MAST2: variants seen among roughly 807,000 people sequenced by gnomAD.
MAST2 encodes the protein microtubule-associated serine/threonine-protein kinase 2.
A neutral mutation model predicts 147.4 loss-of-function variants in MAST2; 70 were observed. The ratio of observed to expected loss-of-function variants is 0.47; its 90% CI spans 0.39 to 0.58. The LOEUF is 0.58. Among genes scored for constraint, MAST2 ranks in the 20% least tolerant of loss-of-function variants. The pLI, the probability that MAST2 is intolerant of heterozygous loss-of-function variation, is 0.00. For missense variants in MAST2, 2,080 were observed against 2,302.3 expected (o/e 0.90, Z 1.98); for synonymous variants, 869 against 896.8 (o/e 0.97, Z 0.55).
intron 4 of MAST2, among the ~76,000 whole-genome samples, chr1:45,918,690 G>A (rs928226942): frequency 2.0e-5 from 3 of 151,822 alleles, no homozygotes; most frequent in African/African-American, 4.8e-5. Flanking sequence ...CACCCGCCTC[G>A]GCCTCCCAAA....
Position 45,939,980 on chromosome 1 carries a change from G to GTTTTTTTTTTTTTTTT in MAST2, c.501-19400_501-19385dup, listed in dbSNP as rs1174123217. 1.0e-4 allele frequency among the ~76,000 whole-genome samples: 10 copies of GTTTTTTTTTTTTTTTT among 97,330 alleles called. 1 individual carries two copies. Among genetic ancestry groups the GTTTTTTTTTTTTTTTT allele is most frequent in the South Asian group, 3.6e-4 (1 of 2,774 alleles). 63.9% of individuals were successfully genotyped at this position (97,330 alleles called of 152,430 possible). On this transcript the variant is annotated intron_variant, in intron 4 of 28. Coordinates refer to ENST00000361297, the MANE Select transcript of MAST2 (RefSeq NM_015112.3). The stretch of plus-strand genomic sequence containing the variant: ...AACGGAAGTTCTCTATTTATTTAGG[G>GTTTTTTTTTTTTTTTT]TTTTTTTTTTTTTTTTTTTTTGAGA...
chr1:46,030,355 A>G (rs1266033806), intron 21 of MAST2, 117 bp downstream of exon 21: 2 of 1,036,644 alleles, frequency 1.9e-6, no homozygotes, highest in Non-Finnish European at 2.9e-6. Flanking sequence ...CACCTCTAGA[A>G]AAAGAGGAGC....
chr1:45,882,365 A>G lies in MAST2; in HGVS notation c.470A>G (p.Lys157Arg). 1 of 1,612,374 alleles carries G rather than the reference A, an allele frequency of 6.2e-7. No homozygotes were observed. The highest frequency in any genetic ancestry group is 8.5e-7 in the Non-Finnish European group (1 of 1,178,562). The change falls in exon 4 of 29, where the codon AAG (lysine) becomes AGG (arginine). Residue 157 changes from lysine to arginine, a missense_variant and splice_region_variant. Physicochemically the swap from Lys to Arg is conservative, Grantham distance 26. Around this residue, in one of 4 missense-constraint regions of MAST2, gnomAD observed 569 missense variants for 642.5 expected, o/e 0.89. Transcript: ENST00000361297. ...ACTTGCATATGTTTTGTTTTTCAGA[A>G]GGAGTTGAGCCTTCCAAGAAGAGGC... ...QSAPSLTAGL[K>R]ELSLPRRGSF... is the part of the protein sequence containing the mutation.
At chr1:45,972,781 T>G (rs954497615) in intron 5 of MAST2, among the ~76,000 whole-genome samples, 11 of 152,218 alleles carry the variant, frequency 7.2e-5, no homozygotes, top group Non-Finnish European at 1.2e-4. Flanking sequence ...CCTTTTGGAA[T>G]TCCAGTTCTT....
At chr1:45,820,869 C>T (rs1444799755) in intron 1 of MAST2, among the ~76,000 whole-genome samples, 6 of 108,916 alleles carry the variant, frequency 5.5e-5, no homozygotes, top group South Asian at 3.0e-4. Context: ...GAAAATGCCT[C>T]GATTTCAATT....
intron 5 of MAST2, among the ~76,000 whole-genome samples, chr1:45,961,991 G>T (rs931460238): frequency 6.7e-6 from 1 of 150,146 alleles, no homozygotes; most frequent in African/African-American, 2.5e-5. Flanking sequence ...TCATTGTTCA[G>T]TTCCCACCTA....
At chr1:45,880,755 A>G (rs1036540252) in intron 3 of MAST2, among the ~76,000 whole-genome samples, 7 of 152,016 alleles carry the variant, frequency 4.6e-5, no homozygotes, top group Non-Finnish European at 2.9e-5. Flanking sequence ...CCAAGGTGGG[A>G]GGATCACTTG....
At chr1:45,854,827 A>G (rs980529213) in intron 3 of MAST2, among the ~76,000 whole-genome samples, 3 of 152,334 alleles carry the variant, frequency 2.0e-5, no homozygotes, top group Admixed American at 6.5e-5. Context: ...GCCCTGTCCC[A>G]TAAGATTGCC....
Position 46,035,555 on chromosome 1 carries a change from C to T in MAST2, c.4886C>T (p.Ala1629Val). Residue 1629 changes from alanine to valine, a missense_variant, in exon 29 of 29, where the codon GCA becomes GTA. Ala to Val is a moderately conservative substitution (Grantham distance 64, BLOSUM62 0). Around this residue, in one of 4 missense-constraint regions of MAST2, gnomAD observed 1,278 missense variants for 1,304.2 expected, o/e 0.98. Transcript: ENST00000361297. This position sits in a 1 kb window ranked among gnomAD's most constrained non-coding sequence, Gnocchi z 5.5. ...AQHLHTQALT[A>V]LSPSTSGLTP... ...CACCTCCACACCCAGGCACTAACAG[C>T]ACTTTCTCCCAGCACTTCGGGACTC... 2 of 1,613,610 alleles carry T rather than the reference C, an allele frequency of 1.2e-6. No homozygotes were observed. Among genetic ancestry groups the T allele is most frequent in the South Asian group, 1.1e-5 (1 of 91,088 alleles).
chr1:45,809,262 T>G (rs1644226203), intron 1 of MAST2, among the ~76,000 whole-genome samples: 1 of 152,240 alleles, frequency 6.6e-6, no homozygotes, highest in Non-Finnish European at 1.5e-5. Flanking sequence ...TATACTTTAA[T>G]TAGTCATCAG....
At chr1:45,899,140 G>A (rs1171164089) in intron 4 of MAST2, among the ~76,000 whole-genome samples, 2 of 152,068 alleles carry the variant, frequency 1.3e-5, no homozygotes, top group Non-Finnish European at 2.9e-5. Flanking sequence ...TTGATCAGAG[G>A]AGTAGTCTTC....
intron 3 of MAST2, among the ~76,000 whole-genome samples, chr1:45,839,602 A>G (rs1645212142): frequency 6.6e-6 from 1 of 152,094 alleles, no homozygotes; most frequent in Admixed American, 6.5e-5. Context: ...GAAGATGTAA[A>G]TTTTCTCCAT....
At chr1:45,965,709 C>T (rs940510133) in intron 5 of MAST2, among the ~76,000 whole-genome samples, 3 of 152,010 alleles carry the variant, frequency 2.0e-5, no homozygotes, top group Non-Finnish European at 2.9e-5. Context: ...GAAATGGAAA[C>T]TCCCTACCTT....
Position 46,019,601 on chromosome 1 carries a change from T to G in MAST2, c.1194T>G (p.His398Gln). Residue 398 changes from histidine (H) to glutamine (Q), a missense_variant, in exon 11 of 29, where the codon CAT becomes CAG. Transcript: ENST00000361297. ...AACGCTTCTTTTCTCTATAGGCTCATGAGCGCTCAGAGAGCTCAGAAGTGG... is the reference window on the plus strand; with the variant it reads ...AACGCTTCTTTTCTCTATAGGCTCAGGAGCGCTCAGAGAGCTCAGAAGTGG... ...DNLEKLLQDAHERSESSEVAF... is the reference protein window; with the variant it reads ...DNLEKLLQDAQERSESSEVAF... 1 of 1,613,916 alleles carries G rather than the reference T, an allele frequency of 6.2e-7. No individual in the cohort carries two copies. The highest frequency in any genetic ancestry group is 8.5e-7 in the Non-Finnish European group (1 of 1,179,854).
At chr1:46,032,501 G>C (rs574373410) in intron 25 of MAST2, 95 bp from the exon 26 acceptor site, 247 of 1,596,086 alleles carry the variant, frequency 1.5e-4, no homozygotes, top group South Asian at 2.6e-4. Context: ...GGGTCAAAGG[G>C]TGGTGGTGAA....
At chr1:46,021,922 C>G (rs1415401103) in intron 11 of MAST2, 28 bp from the exon 12 acceptor site, 5 of 1,612,668 alleles carry the variant, frequency 3.1e-6, no homozygotes, top group South Asian at 1.1e-5. Flanking sequence ...TATCTGTCAC[C>G]ACTGACTATC....
intron 5 of MAST2, among the ~76,000 whole-genome samples, chr1:45,972,243 A>G (rs796946223): frequency 1.5e-4 from 23 of 152,374 alleles, no homozygotes; most frequent in African/African-American, 5.3e-4. Context: ...AAGGACAGAT[A>G]CAACAAGATC....
intron 2 of MAST2, among the ~76,000 whole-genome samples, chr1:45,827,951 C>A (rs761319908): frequency 3.3e-5 from 5 of 152,032 alleles, no homozygotes; most frequent in African/African-American, 1.2e-4. Context: ...TTCTCCTCAG[C>A]CTCCTGAGTA....
At chr1:45,961,691 T>G (rs924282632) in intron 5 of MAST2, among the ~76,000 whole-genome samples, 5 of 152,190 alleles carry the variant, frequency 3.3e-5, no homozygotes, top group Non-Finnish European at 2.9e-5. Flanking sequence ...ACTATACTTA[T>G]CCAGCTGTTG....
Sources: gnomAD v4.1 joint callset for allele counts (sites outside exome capture counted in the v4.1 genomes callset) on GRCh38, gnomAD v4.1.1 for gene constraint, gnomAD v4.1.1 regional missense constraint, Gnocchi (gnomAD v3.1) non-coding constraint, MANE v1.5 for transcripts, NCBI Gene and HGNC (gene_info 2026-07-23, HGNC 2026-07-21) for gene names.